Variants in STK32B observed in about 807,000 individuals in gnomAD.
The protein encoded by STK32B is serine/threonine-protein kinase 32B.
Under a neutral mutation model 52.6 loss-of-function variants are expected in STK32B, and 43 were observed. That is an observed-to-expected ratio of 0.82 (90% CI 0.64 to 1.05). The LOEUF is 1.05. Among genes scored for constraint, STK32B ranks in the 50% least tolerant of loss-of-function variants. The pLI, the probability that STK32B is intolerant of heterozygous loss-of-function variation, is 0.00. For missense variants in STK32B, 621 were observed against 534.6 expected (o/e 1.16, Z -1.59); for synonymous variants, 238 against 204.3 (o/e 1.17, Z -1.41).
intron 11 of STK32B, among the ~76,000 whole-genome samples, chr4:5,484,180 C>G (rs1718957207): frequency 6.6e-6 from 1 of 152,158 alleles, no homozygotes; most frequent in Non-Finnish European, 1.5e-5. Flanking sequence ...CTAATGTTGA[C>G]AGTGGGGTGT....
intron 3 of STK32B, among the ~76,000 whole-genome samples, chr4:5,314,498 T>C (rs910704450): frequency 6.6e-6 from 1 of 152,124 alleles, no homozygotes; most frequent in Non-Finnish European, 1.5e-5. Flanking sequence ...GTTGAAACCC[T>C]GTCTCTACTA....
chr4:5,161,483 C>T (rs1222253888), intron 2 of STK32B, among the ~76,000 whole-genome samples: 4 of 152,134 alleles, frequency 2.6e-5, no homozygotes, highest in Admixed American at 1.3e-4. Context: ...ACATTACATC[C>T]GTGTTCAAGG....
chr4:5,318,028 G>T (rs1451464756), intron 3 of STK32B, among the ~76,000 whole-genome samples: 2 of 152,146 alleles, frequency 1.3e-5, no homozygotes, highest in African/African-American at 4.8e-5. Flanking sequence ...CCTTCTGAAT[G>T]CCTGCTGAAG....
At chr4:5,254,621 T>C (rs188487867) in intron 3 of STK32B, among the ~76,000 whole-genome samples, 18 of 152,206 alleles carry the variant, frequency 1.2e-4, no homozygotes, top group Non-Finnish European at 2.4e-4. Context: ...TAATTTCCAC[T>C]TCTAATTTTT....
chr4:5,491,425 G>A (rs1431862626), intron 11 of STK32B, among the ~76,000 whole-genome samples: 1 of 152,180 alleles, frequency 6.6e-6, no homozygotes, highest in Admixed American at 6.5e-5. Context: ...TGATGGGGTT[G>A]TCTGATTTTT....
chr4:5,143,124 T>TGTCTGTCTGTCTGTCTGTCC (rs1553835286), intron 2 of STK32B, among the ~76,000 whole-genome samples: 2 of 150,496 alleles, frequency 1.3e-5, no homozygotes, highest in East Asian at 3.9e-4. Context: ...TCTGTCTGTC[T>TGTCTGTCTGTCTGTCTGTCC]GTCTGTCTAT....
chr4:5,455,556 A>T (rs1485067625), intron 7 of STK32B, among the ~76,000 whole-genome samples: 7 of 152,114 alleles, frequency 4.6e-5, no homozygotes, highest in African/African-American at 7.2e-5. Context: ...CGAAGCAAGA[A>T]CTCAAGGTGC....
intron 3 of STK32B, among the ~76,000 whole-genome samples, chr4:5,213,766 T>C (rs1723032806): frequency 6.6e-6 from 1 of 152,188 alleles, no homozygotes; most frequent in African/African-American, 2.4e-5. Flanking sequence ...CCTTTTCCCT[T>C]ATTGATTTAT....
rs137945897 is a variant in STK32B at position 5,127,514 on chromosome 4, TTC to T, written c.53-12386_53-12385del. Among the ~76,000 whole-genome samples the T allele has an allele frequency of 7.5e-3, 1,143 of 152,278 alleles. 20 individuals are homozygous for T. Among genetic ancestry groups the T allele is most frequent in the African/African-American group, 0.026 (1,083 of 41,538 alleles). On this transcript the variant is annotated intron_variant, in intron 1 of 11. Transcript: ENST00000282908. ...GTCAGGTGCTGTTTTGGGTGAGCAATTCTCTCAAAATTATGCCCGCCCAGAAC... is the reference window on the plus strand; with the variant it reads ...GTCAGGTGCTGTTTTGGGTGAGCAATTCTCAAAATTATGCCCGCCCAGAAC...
chr4:5,279,453 G>A, intron 3 of STK32B, among the ~76,000 whole-genome samples: 1 of 152,170 alleles, frequency 6.6e-6, no homozygotes, highest in East Asian at 1.9e-4. Flanking sequence ...GCAGCCTCTG[G>A]CTCTGTGGCT....
At chr4:5,364,343 A>AAGAGAGAGAGAGAAGGGG (rs1734736097) in intron 4 of STK32B, among the ~76,000 whole-genome samples, 1 of 152,062 alleles carries the variant, frequency 6.6e-6, no homozygotes, top group African/African-American at 2.4e-5. Flanking sequence ...GCCTCAGTGA[A>AAGAGAGAGAGAGAAGGGG]AGAGAGAGAG....
chr4:5,288,369 A>G (rs575349977), intron 3 of STK32B, among the ~76,000 whole-genome samples: 1 of 152,320 alleles, frequency 6.6e-6, no homozygotes, highest in East Asian at 1.9e-4. Flanking sequence ...TCAGCGATGC[A>G]TGGAGGTTCA....
intron 1 of STK32B, among the ~76,000 whole-genome samples, chr4:5,100,660 CATT>C (rs1215326885): frequency 1.0e-4 from 10 of 95,944 alleles, no homozygotes; most frequent in South Asian, 4.3e-4. Flanking sequence ...CTTTCTCTTT[CATT>C]CTTTCTTTCT....
At chr4:5,148,860 C>T (rs1717123402) in intron 2 of STK32B, among the ~76,000 whole-genome samples, 1 of 151,692 alleles carries the variant, frequency 6.6e-6, no homozygotes, top group African/African-American at 2.4e-5. Flanking sequence ...TTTCTTCTTC[C>T]TTTAAGTCTG....
intron 3 of STK32B, among the ~76,000 whole-genome samples, chr4:5,275,193 C>T (rs1349026182): frequency 2.6e-5 from 4 of 152,160 alleles, no homozygotes; most frequent in Admixed American, 2.6e-4. Context: ...CAAGGACCCC[C>T]CCAGTTAACA....
chr4:5,383,759 C>T (rs1223460764), intron 4 of STK32B, among the ~76,000 whole-genome samples: 1 of 152,158 alleles, frequency 6.6e-6, no homozygotes, highest in Non-Finnish European at 1.5e-5. Context: ...AGTCCTGGAC[C>T]TCTGGGGCTG....
At chr4:5,123,210 C>T (rs1715167066) in intron 1 of STK32B, among the ~76,000 whole-genome samples, 1 of 152,162 alleles carries the variant, frequency 6.6e-6, no homozygotes, top group Non-Finnish European at 1.5e-5. Context: ...CTCCACACTT[C>T]TCTGGCTGTG....
intron 1 of STK32B, among the ~76,000 whole-genome samples, chr4:5,084,457 A>G (rs1357521207): frequency 1.3e-5 from 2 of 152,214 alleles, no homozygotes; most frequent in Non-Finnish European, 2.9e-5. Flanking sequence ...TATTTTGAAG[A>G]CATGAAAAAA....
At chr4:5,437,957 G>A in intron 6 of STK32B, 9 of 985,568 alleles carry the variant, frequency 9.1e-6, no homozygotes, top group Non-Finnish European at 1.1e-5. Context: ...AGGAGGGAAT[G>A]TCACCTTCTC....
Sources: allele counts gnomAD v4.1 joint callset (sites outside exome capture counted in the v4.1 genomes callset), GRCh38; gene constraint gnomAD v4.1.1; transcripts MANE v1.5; gene names NCBI Gene and HGNC (gene_info 2026-07-23, HGNC 2026-07-21).